The following GSTCD variants were observed in gnomAD, a reference collection of about 807,000 sequenced individuals.
GSTCD encodes the protein glutathione S-transferase C-terminal domain containing, also known as glutathione S-transferase C-terminal domain-containing protein.
In GSTCD, 44 loss-of-function variants were observed where a neutral mutation model predicts 68.3. The ratio of observed to expected loss-of-function variants is 0.64; its 90% confidence interval spans 0.51 to 0.83. GSTCD has a LOEUF of 0.83. Ranked by LOEUF, GSTCD falls within the 40% of genes least tolerant of loss-of-function variation. The probability of loss-of-function intolerance (pLI) is 0.00; values close to 1 mark genes in which losing one functional copy is unlikely to be tolerated. For synonymous variants in GSTCD, 273 were observed against 255.2 expected (o/e 1.07, Z -0.67); for missense variants, 739 against 735.9 (o/e 1.00, Z -0.05).
At chr4:105,787,403 T>G (rs924161908) in intron 5 of GSTCD, among the ~76,000 whole-genome samples, 2 of 152,090 alleles carry the variant, frequency 1.3e-5, no homozygotes, top group Admixed American at 1.3e-4. Flanking sequence ...AGGATGCCTG[T>G]TAAAATACAT....
intron 10 of GSTCD, among the ~76,000 whole-genome samples, chr4:105,841,720 A>G (rs936740394): frequency 6.6e-6 from 1 of 152,002 alleles, no homozygotes; most frequent in Non-Finnish European, 1.5e-5. Context: ...ATGTGGTGGC[A>G]TGTGCCTGTA....
intron 4 of GSTCD, among the ~76,000 whole-genome samples, chr4:105,727,417 A>G (rs917457405): frequency 2.0e-5 from 3 of 151,872 alleles, no homozygotes; most frequent in Non-Finnish European, 2.9e-5. Context: ...CCAGCTATTC[A>G]GGAGGCTAAG....
At chr4:105,799,647 A>T (rs1396088896) in intron 5 of GSTCD, among the ~76,000 whole-genome samples, 1 of 152,140 alleles carries the variant, frequency 6.6e-6, no homozygotes, top group Non-Finnish European at 1.5e-5. Flanking sequence ...TGGCTCCCCA[A>T]AATAATTTCA....
At chr4:105,729,578 C>G in intron 5 of GSTCD, 79 bp downstream of exon 5, 1 of 911,694 alleles carries the variant, frequency 1.1e-6, no homozygotes, top group Non-Finnish European at 1.7e-6. Context: ...CTCTAAATCT[C>G]CCTTTGGCTT....
chr4:105,837,989 T>G (rs1724189898), intron 10 of GSTCD, 100 bp downstream of exon 10: 1 of 460,274 alleles, frequency 2.2e-6, no homozygotes, highest in Non-Finnish European at 3.9e-6. Flanking sequence ...ATAGTTATAA[T>G]TGAATAACTC....
At chr4:105,718,401 C>T (rs1026972321) in intron 2 of GSTCD, among the ~76,000 whole-genome samples, 33 of 152,270 alleles carry the variant, frequency 2.2e-4, no homozygotes, top group Admixed American at 1.8e-3. Context: ...TCCTTGCTCT[C>T]TCTTGCACCC....
chr4:105,732,245 G>A (rs1384654416), intron 5 of GSTCD, among the ~76,000 whole-genome samples: 9 of 152,180 alleles, frequency 5.9e-5, no homozygotes, highest in Non-Finnish European at 1.5e-5. Context: ...GCTATTGATT[G>A]GAATAGTTTC....
At chr4:105,776,172 G>A (rs1735052488) in intron 5 of GSTCD, among the ~76,000 whole-genome samples, 2 of 152,080 alleles carry the variant, frequency 1.3e-5, no homozygotes, top group African/African-American at 4.8e-5. Context: ...CTCAAGCCTC[G>A]GTAATGGCAG....
At chr4:105,729,324 C>A in intron 4 of GSTCD, 82 bp from the exon 5 acceptor site, 1 of 724,660 alleles carries the variant, frequency 1.4e-6, no homozygotes, top group Non-Finnish European at 2.2e-6. Flanking sequence ...TACCAATATA[C>A]AAATATAATT....
intron 9 of GSTCD, among the ~76,000 whole-genome samples, chr4:105,836,335 C>A (rs1173297812): frequency 6.6e-6 from 1 of 152,174 alleles, no homozygotes; most frequent in Non-Finnish European, 1.5e-5. Context: ...CATGGGTGGC[C>A]ATGGGTGGGC....
rs1578461987 is a variant in GSTCD, at chr4:105,773,534, G to A, written c.1240+44035G>A. Among the ~76,000 whole-genome samples the A allele has an allele frequency of 2.0e-5, 3 of 152,234 alleles. No individual in the cohort carries two copies. In the East Asian group the frequency reaches 5.8e-4, roughly 29 times the overall value. On this transcript the variant is annotated intron_variant, in intron 5 of 11. Transcript: ENST00000515279. The stretch of plus-strand genomic sequence containing the variant: ...TCCCTGTTAACACTGCTTTAGCTGT[G>A]TCCCAGAGATTCTGGTACATTGTGC...
chr4:105,838,774 A>G (rs1355609073), intron 10 of GSTCD, among the ~76,000 whole-genome samples: 2 of 152,262 alleles, frequency 1.3e-5, no homozygotes, highest in Admixed American at 1.3e-4. Context: ...ATGATATAAT[A>G]CAATTTAAGA....
In GSTCD at chr4:105,846,334, G is replaced by A. The variant is rs1175965393; in HGVS notation, c.*757G>A. 1 of 151,900 alleles carries A rather than the reference G, an allele frequency of 6.6e-6. No homozygotes were observed. Among genetic ancestry groups the A allele is most frequent in the Non-Finnish European group, 1.5e-5 (1 of 68,000 alleles). 9.4% of individuals were successfully genotyped at this position (151,900 alleles called of 1,614,324 possible). ...CCACTGCACTCCTGCCTGGGAAAAT[G>A]AGACCCAGACTCAAAATAAATCAAT... On this transcript the variant is annotated 3_prime_UTR_variant, in exon 12 of 12. Transcript: ENST00000515279.
intron 11 of GSTCD, among the ~76,000 whole-genome samples, chr4:105,842,504 C>T (rs915240736): frequency 1.3e-5 from 2 of 151,992 alleles, no homozygotes; most frequent in African/African-American, 2.4e-5. Flanking sequence ...AAAATGTATA[C>T]ACAGGGATGA....
chr4:105,794,937 C>T (rs947863918), intron 5 of GSTCD, among the ~76,000 whole-genome samples: 11 of 151,594 alleles, frequency 7.3e-5, no homozygotes, highest in African/African-American at 2.2e-4. Context: ...AGTGCAGTGG[C>T]GGGCTCAGCT....
intron 2 of GSTCD, among the ~76,000 whole-genome samples, chr4:105,718,355 G>A (rs554297289): frequency 6.6e-6 from 1 of 152,208 alleles, no homozygotes; most frequent in African/African-American, 2.4e-5. Flanking sequence ...ATTAGTTCAT[G>A]AGAGATCTAG....
intron 5 of GSTCD, among the ~76,000 whole-genome samples, chr4:105,757,383 A>C (rs1734235486): frequency 6.6e-6 from 1 of 152,098 alleles, no homozygotes; most frequent in African/African-American, 2.4e-5. Flanking sequence ...TATTGTTTTC[A>C]CTAATCTGTT....
intron 5 of GSTCD, among the ~76,000 whole-genome samples, chr4:105,760,767 A>G (rs1734375344): frequency 1.3e-5 from 2 of 152,184 alleles, no homozygotes; most frequent in South Asian, 4.1e-4. Flanking sequence ...AAAATAGTTT[A>G]TGAAGTAATG....
At chr4:105,835,527 AG>A (rs1724077029) in intron 9 of GSTCD, among the ~76,000 whole-genome samples, 1 of 152,102 alleles carries the variant, frequency 6.6e-6, no homozygotes, top group Admixed American at 6.5e-5. Flanking sequence ...AGTGGCAACC[AG>A]AAGCTTGGAA....
Sources: gnomAD v4.1 joint callset for allele counts (sites outside exome capture counted in the v4.1 genomes callset) on GRCh38, gnomAD v4.1.1 for gene constraint, MANE v1.5 for transcripts, NCBI Gene and HGNC (gene_info 2026-07-23, HGNC 2026-07-21) for gene names.